The following PLIN5 variants were observed in gnomAD, a reference collection of about 807,000 sequenced individuals.
The protein encoded by PLIN5 is perilipin 5, also known as perilipin-5.
Under a neutral mutation model 32.8 loss-of-function variants are expected in PLIN5, and 34 were observed. The observed-to-expected ratio is 1.04, with a 90% confidence interval of 0.79 to 1.38. PLIN5 has a LOEUF of 1.38. PLIN5 is among the 40% of genes most tolerant of loss of function. PLIN5 has a pLI of 0.00. For missense variants in PLIN5, 712 were observed against 660.5 expected (o/e 1.08, Z -0.85); for synonymous variants, 309 against 292.9 (o/e 1.05, Z -0.56).
rs1201901369 is a variant in PLIN5 at position 4,529,053 on chromosome 19, G to A, written c.520+20C>T. On this transcript the variant is annotated intron_variant, in intron 5 of 7. Transcript: ENST00000381848. ...GACGGGGCAGGACTCAGGGGTTAGG[G>A]TTGAGGGTGTCGTCCTCACCGAGCT... 3 of 1,608,724 alleles carry A rather than the reference G, an allele frequency of 1.9e-6. No homozygotes were observed. The East Asian group carries it at 6.7e-5, about 36-fold the overall frequency.
rs750946143 is a variant in PLIN5, at chr19:4,531,660, C to T, written c.223G>A (p.Ala75Thr). ...TGCAGGTGCTCGAGCAGCGGCTGGG[C>T]GTGGTCCAGGGCACGGGTGGTCAGG... is the stretch of plus-strand genomic sequence containing the variant. ...CGLTTRALDHAQPLLEHLQPQ... is the reference protein window; with the variant it reads ...CGLTTRALDHTQPLLEHLQPQ... Residue 75 changes from alanine to threonine, a missense_variant, in exon 3 of 8, where the codon GCC becomes ACC. Transcript: ENST00000381848. 27 of 1,536,710 alleles carry T rather than the reference C, an allele frequency of 1.8e-5. No individual in the cohort carries two copies. Among genetic ancestry groups the T allele is most frequent in the East Asian group, 1.2e-4 (5 of 40,870 alleles).
rs556247739 is a variant in PLIN5 at position 4,535,177 on chromosome 19, G to A, written c.-34C>T. On this transcript the variant is annotated 5_prime_UTR_variant, in exon 1 of 8. Transcript: ENST00000381848. ...TCAGGGCACTCACCTGGGCGCGAGC[G>A]GCTTCAGACACCAGCTGTCTCCGCC... 18 of 151,318 alleles carry A rather than the reference G, an allele frequency of 1.2e-4. No individual in the cohort carries two copies. Among genetic ancestry groups the A allele is most frequent in the African/African-American group, 3.9e-4 (16 of 41,448 alleles). The allele number at this position is 151,318 out of a possible 1,614,324, so 9.4% of individuals were successfully genotyped here.
rs200734845 is a variant in PLIN5 at position 4,529,173 on chromosome 19, G to A, written c.420C>T (p.Ser140=). Residue 140 remains serine (S), a synonymous_variant, in exon 5 of 8, where the codon AGC becomes AGT. Coordinates refer to ENST00000381848, the MANE Select transcript of PLIN5 (RefSeq NM_001013706.3). ...GGCTCACGGAGCGCTTCAGCTCCAC[G>A]CTCCAGCGCCGGCCCCTCCGGGCCA... ...VDLARRGRRW[S]VELKRSVSHA... The A allele has an allele frequency of 2.8e-5, 45 of 1,613,126 alleles. No homozygotes were observed. In the Admixed American group the frequency reaches 4.7e-4, roughly 17 times the overall value.
chr19:4,535,116 C>G (rs1411213455), intron 1 of PLIN5, 49 bp downstream of exon 1: 1 of 150,858 alleles, frequency 6.6e-6, no homozygotes, highest in Non-Finnish European at 1.5e-5. Context: ...TGGAGCTCCT[C>G]TCCTAAGCCC....
rs1378083389 is a variant in PLIN5, at chr19:4,525,711, C to T, written c.642G>A (p.Glu214=). Reference sequence around the variant, plus strand: ...TCTGCCTCAGTTTCCCCACAGAGTGCTCGTAGGCCAGGTGGCGGATCCGTG... The same window carrying T: ...TCTGCCTCAGTTTCCCCACAGAGTGTTCGTAGGCCAGGTGGCGGATCCGTG... ...LSARIRHLAY[E]HSVGKLRQSK... Residue 214 remains glutamate, a synonymous_variant, in exon 6 of 8, where the codon GAG becomes GAA. Coordinates refer to ENST00000381848, the MANE Select transcript of PLIN5 (RefSeq NM_001013706.3). This position sits in a 1 kb window ranked among gnomAD's most constrained non-coding sequence, Gnocchi z 5.6. 6.8e-6 allele frequency: 11 copies of T among 1,613,682 alleles called. No homozygotes were observed. The Admixed American group carries it at 1.7e-4, about 24-fold the overall frequency.
intron 1 of PLIN5, chr19:4,534,352 A>G (rs1397494288): frequency 6.3e-6 from 3 of 477,226 alleles, no homozygotes; most frequent in Non-Finnish European, 1.1e-5. Flanking sequence ...ACCTGGGTTC[A>G]AATGCTACCA....
chr19:4,529,183 C>G lies in PLIN5; in HGVS notation c.410G>C (p.Arg137Pro), dbSNP rs770558472. 29 of 1,612,970 alleles carry G rather than the reference C, an allele frequency of 1.8e-5. 1 individual carries two copies. The Admixed American group carries it at 3.7e-4, about 20-fold the overall frequency. ...GCGCTTCAGCTCCACGCTCCAGCGC[C>G]GGCCCCTCCGGGCCAGGTCCACCAC... ...TGVVDLARRG[R>P]RWSVELKRSV... The change falls in exon 5 of 8, where the codon CGG (arginine) becomes CCG (proline). Residue 137 changes from arginine to proline, a missense_variant. Transcript: ENST00000381848.
rs1976847221 is a variant in PLIN5, at chr19:4,529,223, T to C, written c.370A>G (p.Ser124Gly). ...VVTSAKDVVA[S>G]SVTGVVDLAR... The stretch of plus-strand genomic sequence containing the variant: ...AGGTCCACCACACCCGTGACACTGC[T>C]GGCCACCACGTCCTTGGCTGAGGTC... The change falls in exon 5 of 8, where the codon AGC becomes GGC. Residue 124 changes from serine to glycine, a missense_variant. By Grantham distance (56) the Ser-to-Gly change is moderately conservative. Transcript: ENST00000381848. 6.2e-7 allele frequency: 1 copy of C among 1,610,912 alleles called. No homozygotes were observed. Among genetic ancestry groups the C allele is most frequent in the African/African-American group, 1.3e-5 (1 of 74,908 alleles).
At chr19:4,528,991 G>A (rs1056605351) in intron 5 of PLIN5, 82 bp downstream of exon 5, 10 of 1,438,752 alleles carry the variant, frequency 7.0e-6, no homozygotes, top group African/African-American at 5.7e-5. Context: ...CCTTGGGTGA[G>A]TCTCAGACCT....
intron 3 of PLIN5, among the ~76,000 whole-genome samples, chr19:4,530,882 C>T (rs1411248325): frequency 6.6e-6 from 1 of 152,052 alleles, no homozygotes; most frequent in Non-Finnish European, 1.5e-5. Flanking sequence ...CCATGTTGGC[C>T]AGGCTGTTCT....
chr19:4,529,194 G>T lies in PLIN5; in HGVS notation c.399C>A (p.Ala133=). The change falls in exon 5 of 8, where the codon GCC becomes GCA. Residue 133 remains alanine (A), a synonymous_variant. Coordinates refer to ENST00000381848, the MANE Select transcript of PLIN5 (RefSeq NM_001013706.3). Reference sequence around the variant, plus strand: ...CCACGCTCCAGCGCCGGCCCCTCCGGGCCAGGTCCACCACACCCGTGACAC... The same window carrying T: ...CCACGCTCCAGCGCCGGCCCCTCCGTGCCAGGTCCACCACACCCGTGACAC... The part of the protein sequence containing the change: ...ASSVTGVVDL[A]RRGRRWSVEL... 1 of 1,612,700 alleles carries T rather than the reference G, an allele frequency of 6.2e-7. No homozygotes were observed. The highest frequency in any genetic ancestry group is 1.1e-5 in the South Asian group (1 of 90,978).
Position 4,523,838 on chromosome 19 carries a change from A to C in PLIN5, c.1082T>G (p.Leu361Arg). Reference sequence around the variant, plus strand: ...CACGGCCTGCACCACCAGCTCCAGCAGCTCGTCCACGCAGGCGTGCGCGTG... The same window carrying C: ...CACGGCCTGCACCACCAGCTCCAGCCGCTCGTCCACGCAGGCGTGCGCGTG... ...VAHAHACVDE[L>R]LELVVQAVPL... Residue 361 changes from leucine (L) to arginine (R), a missense_variant, in exon 8 of 8, where the codon CTG becomes CGG. Coordinates refer to ENST00000381848, the MANE Select transcript of PLIN5 (RefSeq NM_001013706.3). The surrounding 1 kb of genome is among the most constrained non-coding windows in gnomAD (Gnocchi z 5.0). 6.3e-7 allele frequency: 1 copy of C among 1,588,358 alleles called. No homozygotes were observed.
At chr19:4,529,742 C>T (rs1381314519) in intron 4 of PLIN5, 42 bp downstream of exon 4, 19 of 1,550,208 alleles carry the variant, frequency 1.2e-5, no homozygotes, top group Non-Finnish European at 1.6e-5. Context: ...CTAATCTGGC[C>T]TGCCCCCACT....
At chr19:4,531,107 T>C (rs1206493726) in intron 3 of PLIN5, among the ~76,000 whole-genome samples, 1 of 151,946 alleles carries the variant, frequency 6.6e-6, no homozygotes, top group Non-Finnish European at 1.5e-5. Flanking sequence ...TTCAAGCAAT[T>C]CTCCTGCATG....
rs777962356 is a variant in PLIN5, at chr19:4,523,810, C to T, written c.1110G>A (p.Pro370=). The T allele has an allele frequency of 2.0e-5, 32 of 1,594,802 alleles. No individual in the cohort carries two copies. The highest frequency in any genetic ancestry group is 2.0e-4 in the South Asian group (18 of 90,606). Residue 370 remains proline, a synonymous_variant, in exon 8 of 8, where the codon CCG becomes CCA. Transcript: ENST00000381848. This position sits in a 1 kb window ranked among gnomAD's most constrained non-coding sequence, Gnocchi z 5.0. ...CGAAGGGTCCCACCAGCCAGGGCAG[C>T]GGCACGGCCTGCACCACCAGCTCCA... is the stretch of plus-strand genomic sequence containing the variant. ...ELLELVVQAV[P]LPWLVGPFAP...
In PLIN5 at chr19:4,522,678, A is replaced by C. The variant is rs1258527376; in HGVS notation, c.*850T>G. The C allele has an allele frequency of 6.6e-6, 1 of 152,124 alleles. No individual in the cohort carries two copies. The highest frequency in any genetic ancestry group is 2.4e-5 in the African/African-American group (1 of 41,420). The allele number at this position is 152,124 out of a possible 1,614,324, so 9.4% of individuals were successfully genotyped here. ...AGGGCAAAATGTGTGTTTCCCTAGG[A>C]AGTATTTTTTAAAAACATTTTTGAG... On this transcript the variant is annotated 3_prime_UTR_variant, in exon 8 of 8. Transcript: ENST00000381848.
Position 4,529,070 on chromosome 19 carries a change from C to A in PLIN5, c.520+3G>T. 1.2e-6 allele frequency: 2 copies of A among 1,612,242 alleles called. No homozygotes were observed. The highest frequency in any genetic ancestry group is 8.5e-7 in the Non-Finnish European group (1 of 1,179,516). ...GGGTTAGGGTTGAGGGTGTCGTCCT[C>A]ACCGAGCTCTTCCTCCGTCATGGGC... On this transcript the variant is annotated splice_donor_region_variant and intron_variant, in intron 5 of 7. Coordinates refer to ENST00000381848, the MANE Select transcript of PLIN5 (RefSeq NM_001013706.3).
intron 5 of PLIN5, among the ~76,000 whole-genome samples, chr19:4,526,359 C>T (rs528677762): frequency 1.9e-4 from 29 of 152,202 alleles, no homozygotes; most frequent in African/African-American, 7.0e-4. Flanking sequence ...GTAGCTGGGA[C>T]CACAGGCGTG....
rs138271241 is a variant in PLIN5 at position 4,529,478 on chromosome 19, A to G, written c.340-225T>C. On this transcript the variant is annotated intron_variant, in intron 4 of 7. Coordinates refer to ENST00000381848, the MANE Select transcript of PLIN5 (RefSeq NM_001013706.3). ...TATGTATACACACATACATATACATATATACACATATACACACATATACAT... is the reference window on the plus strand; with the variant it reads ...TATGTATACACACATACATATACATGTATACACATATACACACATATACAT... The G allele has an allele frequency of 5.2e-4, 293 of 560,204 alleles. 2 individuals carry two copies. In the East Asian group the frequency reaches 8.0e-3, roughly 15 times the overall value. 34.7% of individuals were successfully genotyped at this position (560,204 alleles called of 1,614,324 possible).
Sources: allele counts gnomAD v4.1 joint callset (sites outside exome capture counted in the v4.1 genomes callset), GRCh38; gene constraint gnomAD v4.1.1; non-coding constraint Gnocchi (gnomAD v3.1); transcripts MANE v1.5; gene names NCBI Gene and HGNC (gene_info 2026-07-23, HGNC 2026-07-21).